KDM5B: variants seen among roughly 807,000 people sequenced by gnomAD.
The protein encoded by KDM5B is lysine-specific demethylase 5B.
In KDM5B, 144 loss-of-function variants were observed where a neutral mutation model predicts 193.4. The observed-to-expected ratio is 0.74, with a 90% CI of 0.65 to 0.86. The LOEUF (loss-of-function observed/expected upper bound fraction) is 0.86, where lower values mean the gene tolerates loss of function less well. Among genes scored for constraint, KDM5B ranks in the 40% least tolerant of loss-of-function variants. The pLI is 0.00. For missense variants in KDM5B, 1,833 were observed against 1,886.9 expected, an observed-to-expected ratio of 0.97 and a Z score of 0.53; for synonymous variants, 668 against 682.6, an observed-to-expected ratio of 0.98 and a Z score of 0.33.
At chr1:202,739,486 T>G (rs1240761611) in intron 20 of KDM5B, among the ~76,000 whole-genome samples, 1 of 152,032 alleles carries the variant, frequency 6.6e-6, no homozygotes, top group African/African-American at 2.4e-5. Context: ...TTTATTTATT[T>G]ATTTTTTATT....
At chr1:202,785,168 G>C (rs186255788) in intron 1 of KDM5B, among the ~76,000 whole-genome samples, 1 of 152,064 alleles carries the variant, frequency 6.6e-6, no homozygotes, top group African/African-American at 2.4e-5. Context: ...TACAAAAAGC[G>C]CTGCAACCTC....
chr1:202,798,233 T>C (rs773371974), intron 1 of KDM5B, among the ~76,000 whole-genome samples: 26 of 151,980 alleles, frequency 1.7e-4, no homozygotes, highest in Non-Finnish European at 3.5e-4. Context: ...AGAAAAGCTT[T>C]GTCTAAACCA....
chr1:202,740,015 C>G (rs1241069125), intron 20 of KDM5B, among the ~76,000 whole-genome samples: 1 of 152,150 alleles, frequency 6.6e-6, no homozygotes, highest in Non-Finnish European at 1.5e-5. Flanking sequence ...GGGTGGTGGC[C>G]GGGCAGAGGA....
At chr1:202,763,124 T>C (rs1656317318) in intron 6 of KDM5B, among the ~76,000 whole-genome samples, 2 of 152,186 alleles carry the variant, frequency 1.3e-5, no homozygotes, top group Non-Finnish European at 2.9e-5. Context: ...CAAATTCCTG[T>C]TGGCCATGAC....
intron 14 of KDM5B, among the ~76,000 whole-genome samples, chr1:202,747,891 T>C (rs1477848357): frequency 6.6e-6 from 1 of 152,062 alleles, no homozygotes; most frequent in African/African-American, 2.4e-5. Flanking sequence ...CCAACAGGAA[T>C]TGATTTGGTA....
At chr1:202,789,199 A>G (rs1316706581) in intron 1 of KDM5B, among the ~76,000 whole-genome samples, 1 of 152,176 alleles carries the variant, frequency 6.6e-6, no homozygotes, top group Non-Finnish European at 1.5e-5. Context: ...TATCCCATCT[A>G]AAGATGACAC....
At chr1:202,776,047 T>C (rs776602853) in intron 2 of KDM5B, 2 of 151,404 alleles carry the variant, frequency 1.3e-5, no homozygotes, top group African/African-American at 2.4e-5. Context: ...CTGGCCAAAA[T>C]GGTGAAACCC....
chr1:202,784,412 G>A (rs1657323783), intron 1 of KDM5B, among the ~76,000 whole-genome samples: 1 of 152,160 alleles, frequency 6.6e-6, no homozygotes, highest in Non-Finnish European at 1.5e-5. Context: ...TATGTTCTAT[G>A]AAACCCAGTC....
intron 1 of KDM5B, among the ~76,000 whole-genome samples, chr1:202,782,419 G>C (rs1657236531): frequency 6.6e-6 from 1 of 151,976 alleles, no homozygotes; most frequent in Admixed American, 6.6e-5. Context: ...AGGCTGGTCT[G>C]GAACTCCTGG....
chr1:202,729,089 CT>C lies in KDM5B; in HGVS notation c.4581del (p.Glu1528LysfsTer10), dbSNP rs1211644998. ...CVGVSPEMAE[K>X]EDYICVRCTV... ...GTACAGCGCACACAGATGTAGTCTT[CT>C]TTCTCTGCCATCTCTGGGGAGACAC... On this transcript the variant is annotated frameshift_variant, in exon 27 of 27. Transcript: ENST00000367265. LOFTEE classifies it high-confidence loss of function. The C allele has an allele frequency of 6.2e-7, 1 of 1,614,122 alleles. No homozygotes were observed. The highest frequency in any genetic ancestry group is 1.7e-5 in the Admixed American group (1 of 60,008).
In KDM5B at chr1:202,731,701, T is replaced by C; in HGVS notation, c.4021+127A>G. 4.2e-6 allele frequency: 3 copies of C among 722,538 alleles called. No homozygotes were observed. The South Asian group carries it at 4.9e-5, about 12-fold the overall frequency. The allele number at this position is 722,538 out of a possible 1,614,324, so 44.8% of individuals were successfully genotyped here. ...ATCCCTTCCCTATTTTGCAAATACA[T>C]AATAGCCTATATCCTACATTTCAGC... On this transcript the variant is annotated intron_variant, in intron 24 of 26. Transcript: ENST00000367265.
At chr1:202,746,073 C>A in intron 15 of KDM5B, 69 bp downstream of exon 15, 17 of 1,577,048 alleles carry the variant, frequency 1.1e-5, no homozygotes, top group Non-Finnish European at 1.4e-5. Context: ...CCTAGAACTG[C>A]GGTATCATTG....
Position 202,728,784 on chromosome 1 carries a change from A to C in KDM5B, c.*252T>G. 2.9e-6 allele frequency: 1 copy of C among 347,284 alleles called. No individual in the cohort carries two copies. The highest frequency in any genetic ancestry group is 4.9e-5 in the East Asian group (1 of 20,308). 21.5% of individuals were successfully genotyped at this position (347,284 alleles called of 1,614,324 possible). Reference sequence around the variant, plus strand: ...ATTGGTGGGAACCCCTGCAAAAAAAACAGTCAGCTTTTCAAACCTCAACAA... The same window carrying C: ...ATTGGTGGGAACCCCTGCAAAAAAACCAGTCAGCTTTTCAAACCTCAACAA... On this transcript the variant is annotated 3_prime_UTR_variant, in exon 27 of 27. Transcript: ENST00000367265.
chr1:202,805,752 A>G (rs1298712796), intron 1 of KDM5B, among the ~76,000 whole-genome samples: 1 of 152,252 alleles, frequency 6.6e-6, no homozygotes, highest in Non-Finnish European at 1.5e-5. Context: ...AAGACTGTTT[A>G]CATCTCTTAA....
intron 22 of KDM5B, among the ~76,000 whole-genome samples, chr1:202,734,900 A>G (rs764531906): frequency 6.6e-6 from 1 of 152,222 alleles, no homozygotes; most frequent in Non-Finnish European, 1.5e-5. Context: ...TTGTGCCATT[A>G]AAAGCATCAC....
intron 1 of KDM5B, among the ~76,000 whole-genome samples, chr1:202,801,305 C>G (rs925782551): frequency 2.6e-5 from 4 of 151,744 alleles, no homozygotes; most frequent in African/African-American, 9.7e-5. Flanking sequence ...TGGGATGACT[C>G]TAAGGCCATG....
At chr1:202,754,041 C>A (rs554310127) in intron 11 of KDM5B, among the ~76,000 whole-genome samples, 2 of 152,280 alleles carry the variant, frequency 1.3e-5, no homozygotes, top group South Asian at 4.1e-4. Context: ...CTAAAGCAAC[C>A]CACAAGGGTA....
rs1654766897 is a variant in KDM5B at position 202,728,890 on chromosome 1, G to A, written c.*146C>T. 1 of 906,338 alleles carries A rather than the reference G, an allele frequency of 1.1e-6. No individual in the cohort carries two copies. The highest frequency in any genetic ancestry group is 2.5e-5 in the Admixed American group (1 of 40,718). 56.1% of individuals were successfully genotyped at this position (906,338 alleles called of 1,614,324 possible). On this transcript the variant is annotated 3_prime_UTR_variant, in exon 27 of 27. Coordinates refer to ENST00000367265, the MANE Select transcript of KDM5B (RefSeq NM_006618.5). ...TTTTTTCTTTTCTTCAAAGAGTCCT[G>A]GAAAAATGATCCCATAAGGAATAGA...
intron 12 of KDM5B, among the ~76,000 whole-genome samples, chr1:202,752,501 G>A (rs1413816399): frequency 6.6e-6 from 1 of 152,196 alleles, no homozygotes; most frequent in Non-Finnish European, 1.5e-5. Flanking sequence ...GCATTTCTCA[G>A]AACATATCCC....
Sources: gnomAD v4.1 joint callset for allele counts (sites outside exome capture counted in the v4.1 genomes callset) on GRCh38, gnomAD v4.1.1 for gene constraint, MANE v1.5 for transcripts, NCBI Gene and HGNC (gene_info 2026-07-23, HGNC 2026-07-21) for gene names.